SFTPB: variants seen among roughly 807,000 people sequenced by gnomAD.
SFTPB encodes surfactant protein B.
SFTPB carries 32 observed loss-of-function variants against 51.0 expected under a neutral mutation model. The observed-to-expected ratio is 0.63, with a 90% confidence interval of 0.47 to 0.84. The LOEUF (loss-of-function observed/expected upper bound fraction) is 0.84, where lower values mean the gene tolerates loss of function less well. SFTPB is among the 40% of genes least tolerant of loss of function. The pLI, the probability that SFTPB is intolerant of heterozygous loss-of-function variation, is 0.00. For synonymous variants in SFTPB, 211 were observed against 208.5 expected (o/e 1.01, Z -0.10); for missense variants, 431 against 491.2 (o/e 0.88, Z 1.16).
At position 85,667,801 on chromosome 2, in the gene SFTPB, A is replaced by G. The variant is rs1320815322; in HGVS notation, c.73T>C (p.Trp25Arg). 1.2e-6 allele frequency: 2 copies of G among 1,614,272 alleles called. No individual in the cohort carries two copies. The highest frequency in any genetic ancestry group is 1.3e-5 in the African/African-American group (1 of 75,078). Reference protein sequence around the residue: ...PTLCGPGTAAWTTSSLACAQG... With the variant: ...PTLCGPGTAARTTSSLACAQG... ...GCACAGGCCAAGGATGAGGTGGTCCAGGCAGCTGTGGTTTGGGGCCAGAGC... is the reference window on the plus strand; with the variant it reads ...GCACAGGCCAAGGATGAGGTGGTCCGGGCAGCTGTGGTTTGGGGCCAGAGC... The change falls in exon 2 of 11, where the codon TGG becomes CGG. Residue 25 changes from tryptophan (W) to arginine (R), a missense_variant. Transcript: ENST00000519937.
chr2:85,660,444 C>CTTTT (rs67187198), intron 10 of SFTPB, among the ~76,000 whole-genome samples: 9,052 of 97,274 alleles, frequency 0.093, 678 homozygotes, highest in Non-Finnish European at 0.13. Context: ...AAAGAAATAC[C>CTTTT]TTTTTTTTTT....
intron 9 of SFTPB, 59 bp downstream of exon 9, chr2:85,661,969 AG>A (rs1677327336): frequency 6.6e-7 from 1 of 1,522,962 alleles, no homozygotes; most frequent in Non-Finnish European, 8.9e-7. Flanking sequence ...ACGGGCCCAA[AG>A]GGTGGGGGCT....
upstream of SFTPB, chr2:85,668,546 C>T: frequency 2.9e-6 from 1 of 340,778 alleles, no homozygotes; most frequent in Non-Finnish European, 5.5e-6. Context: ...GTTCCCCTCC[C>T]ATCCCCTCCC....
intron 4 of SFTPB, 64 bp from the exon 5 acceptor site, chr2:85,665,858 G>T: frequency 1.3e-6 from 2 of 1,507,442 alleles, no homozygotes; most frequent in South Asian, 2.3e-5. Context: ...TATTCAGGCC[G>T]GCCCAAGGGC....
intron 4 of SFTPB, among the ~76,000 whole-genome samples, chr2:85,666,282 TCTGGATGGA>T (rs1677599425): frequency 1.5e-3 from 203 of 139,038 alleles, no homozygotes; most frequent in Admixed American, 2.0e-3. Context: ...TGGGTATGTG[TCTGGATGGA>T]GTGCTGTGTG....
At chr2:85,663,564 G>T in intron 7 of SFTPB, 73 bp from the exon 8 acceptor site, 1 of 1,597,800 alleles carries the variant, frequency 6.3e-7, no homozygotes, top group Non-Finnish European at 8.5e-7. Flanking sequence ...GTCCTCCTTG[G>T]TGCATTGCAG....
rs758026668 is a variant in SFTPB at position 85,662,016 on chromosome 2, G to A, written c.1083+13C>T. ...AGGGAAGTCCTAGGACCAACTGGGA[G>A]GGGTGGGTGTACCTGGCAGGTGGTG... is the stretch of plus-strand genomic sequence containing the variant. On this transcript the variant is annotated intron_variant, in intron 9 of 10. Coordinates refer to ENST00000519937, the MANE Select transcript of SFTPB (RefSeq NM_000542.5). 6.3e-7 allele frequency: 1 copy of A among 1,591,136 alleles called. No individual in the cohort carries two copies. Among genetic ancestry groups the A allele is most frequent in the Non-Finnish European group, 8.5e-7 (1 of 1,170,578 alleles).
At chr2:85,667,266 C>T in intron 2 of SFTPB, 89 bp from the exon 3 acceptor site, 1 of 967,678 alleles carries the variant, frequency 1.0e-6, no homozygotes, top group Admixed American at 1.7e-5. Flanking sequence ...AAGAGGCCAA[C>T]AGAGCACTCC....
At position 85,665,343 on chromosome 2, in the gene SFTPB, G is replaced by A. The variant is rs1219821563; in HGVS notation, c.618C>T (p.Pro206=). The A allele has an allele frequency of 1.2e-6, 2 of 1,614,104 alleles. No homozygotes were observed. Among genetic ancestry groups the A allele is most frequent in the Non-Finnish European group, 1.7e-6 (2 of 1,179,976 alleles). Residue 206 remains proline (P), a synonymous_variant, in exon 6 of 11, where the codon CCC becomes CCT. Transcript: ENST00000519937. ...LSEQQFPIPL[P]YCWLCRALIK... ...TCAGAGCCCTGCAGAGCCAGCAATAGGGGAGAGGAATGGGGAATTGCTGCT... is the reference window on the plus strand; with the variant it reads ...TCAGAGCCCTGCAGAGCCAGCAATAAGGGAGAGGAATGGGGAATTGCTGCT...
At chr2:85,662,529 C>G (rs375725776) in intron 8 of SFTPB, among the ~76,000 whole-genome samples, 1 of 152,162 alleles carries the variant, frequency 6.6e-6, no homozygotes, top group Non-Finnish European at 1.5e-5. Flanking sequence ...TTCCTCAGGA[C>G]AGGATCTCGC....
intron 4 of SFTPB, 68 bp downstream of exon 4, chr2:85,666,549 G>GTA: frequency 6.5e-7 from 1 of 1,549,178 alleles, no homozygotes; most frequent in Non-Finnish European, 8.9e-7. Context: ...CTGTGTGTGT[G>GTA]GCTCCCCATG....
chr2:85,667,845 G>T, intron 1 of SFTPB, 39 bp from the exon 2 acceptor site: 1 of 1,614,064 alleles, frequency 6.2e-7, no homozygotes, highest in Non-Finnish European at 8.5e-7. Flanking sequence ...TCAGGATCCA[G>T]GCTACACACC....
chr2:85,665,201 G>A (rs45532532), intron 6 of SFTPB, 88 bp downstream of exon 6: 33 of 1,016,508 alleles, frequency 3.2e-5, no homozygotes, highest in Non-Finnish European at 5.2e-5. Flanking sequence ...GGTCCTGACG[G>A]GGGTGTGAGT....
At position 85,665,587 on chromosome 2, in the gene SFTPB, C is replaced by T; in HGVS notation, c.582+19G>A. ...GCCCTCTGGATCTCCACTTTACTGGCTGTGGGGGCCTCCCTCACCTGTGTG... is the reference window on the plus strand; with the variant it reads ...GCCCTCTGGATCTCCACTTTACTGGTTGTGGGGGCCTCCCTCACCTGTGTG... On this transcript the variant is annotated intron_variant, in intron 5 of 10. Transcript: ENST00000519937. 6.2e-7 allele frequency: 1 copy of T among 1,612,318 alleles called. No individual in the cohort carries two copies. The highest frequency in any genetic ancestry group is 8.5e-7 in the Non-Finnish European group (1 of 1,179,254).
Position 85,659,322 on chromosome 2 carries a change from G to C in SFTPB, c.*380C>G, listed in dbSNP as rs1677180455. On this transcript the variant is annotated 3_prime_UTR_variant, in exon 11 of 11. Coordinates refer to ENST00000519937, the MANE Select transcript of SFTPB (RefSeq NM_000542.5). ...GGGGGTGGGTGTGAGGCGGGGCTCA[G>C]CTTCAACCCCCTGTCCTGTAAAGCA... is the stretch of plus-strand genomic sequence containing the variant. The C allele has an allele frequency of 6.6e-6, 1 of 152,220 alleles. No individual in the cohort carries two copies. Among genetic ancestry groups the C allele is most frequent in the Non-Finnish European group, 1.5e-5 (1 of 68,040 alleles). The allele number at this position is 152,220 out of a possible 1,614,324, so 9.4% of individuals were successfully genotyped here. A position where few individuals can be genotyped will look rare whatever the true frequency, so the allele number is the denominator to read the frequency against.
In SFTPB at chr2:85,662,013, G is replaced by C. The variant is rs1397571893; in HGVS notation, c.1083+16C>G. On this transcript the variant is annotated intron_variant, in intron 9 of 10. Transcript: ENST00000519937. ...CCAAGGGAAGTCCTAGGACCAACTG[G>C]GAGGGGTGGGTGTACCTGGCAGGTG... is the stretch of plus-strand genomic sequence containing the variant. The C allele has an allele frequency of 1.3e-6, 2 of 1,589,056 alleles. No individual in the cohort carries two copies. Among genetic ancestry groups the C allele is most frequent in the African/African-American group, 1.3e-5 (1 of 74,798 alleles).
chr2:85,667,664 C>T lies in SFTPB; in HGVS notation c.195+15G>A, dbSNP rs1344524785. On this transcript the variant is annotated intron_variant, in intron 2 of 10. Transcript: ENST00000519937. Reference sequence around the variant, plus strand: ...TTCAGACCCCCAGTTGCCATGCATCCTTGGTGGTACTCACGGCTCCCACAT... The same window carrying T: ...TTCAGACCCCCAGTTGCCATGCATCTTTGGTGGTACTCACGGCTCCCACAT... 1.2e-6 allele frequency: 2 copies of T among 1,614,102 alleles called. No individual in the cohort carries two copies. The highest frequency in any genetic ancestry group is 2.7e-5 in the African/African-American group (2 of 74,936).
rs771704983 is a variant in SFTPB, at chr2:85,661,464, G to A, written c.*9C>T. ...GGGGCCTGGACTCACCTGGACAGCT[G>A]AGTTCTCATCAAAGGTCGGGGCTGT... On this transcript the variant is annotated 3_prime_UTR_variant, in exon 10 of 11. Transcript: ENST00000519937. 5.6e-6 allele frequency: 9 copies of A among 1,609,364 alleles called. No homozygotes were observed. Among genetic ancestry groups the A allele is most frequent in the Middle Eastern group, 1.7e-4 (1 of 6,056 alleles).
intron 8 of SFTPB, among the ~76,000 whole-genome samples, chr2:85,662,760 G>T (rs1374431625): frequency 6.9e-6 from 1 of 144,340 alleles, no homozygotes; most frequent in African/African-American, 2.6e-5. Context: ...AGAATCGCCT[G>T]AACCCGGAGG....
Sources: allele counts gnomAD v4.1 joint callset (sites outside exome capture counted in the v4.1 genomes callset), GRCh38; gene constraint gnomAD v4.1.1; transcripts MANE v1.5; gene names NCBI Gene and HGNC (gene_info 2026-07-23, HGNC 2026-07-21).